The following PROCA1 variants were observed in gnomAD, a reference collection of about 807,000 sequenced individuals.
PROCA1 encodes protein interacting with cyclin A1, also known as protein PROCA1.
A neutral mutation model predicts 23.2 loss-of-function variants in PROCA1; 22 were observed. The observed-to-expected ratio is 0.95, with a 90% CI of 0.68 to 1.35. The LOEUF (loss-of-function observed/expected upper bound fraction) is 1.35, where lower values mean the gene tolerates loss of function less well. PROCA1 is among the 40% of genes most tolerant of loss of function. The probability of loss-of-function intolerance (pLI) is 0.00; values close to 1 mark genes in which losing one functional copy is unlikely to be tolerated. For missense variants in PROCA1, 469 were observed against 459.8 expected (o/e 1.02, Z -0.18); for synonymous variants, 182 against 179.2 (o/e 1.02, Z -0.12).
In PROCA1 at chr17:28,711,554, GC is replaced by G; in HGVS notation, c.91+15del. The G allele has an allele frequency of 6.2e-7, 1 of 1,601,876 alleles. No individual in the cohort carries two copies. On this transcript the variant is annotated intron_variant, in intron 1 of 4. Transcript: ENST00000682792. ...GGGCCGCGCCCTCTGCCCAGCCCCTGCCCCGCCCCTCTTACCGCGGCATCTG... is the reference window on the plus strand; with the variant it reads ...GGGCCGCGCCCTCTGCCCAGCCCCTGCCCGCCCCTCTTACCGCGGCATCTG...
chr17:28,710,225 G>A (rs1056312228), intron 1 of PROCA1, among the ~76,000 whole-genome samples: 15 of 151,938 alleles, frequency 9.9e-5, no homozygotes, highest in African/African-American at 3.4e-4. Flanking sequence ...ATGGCCAGGC[G>A]CGGTGGCTCA....
At chr17:28,709,915 TG>T (rs766336962) in intron 1 of PROCA1, among the ~76,000 whole-genome samples, 16 of 151,984 alleles carry the variant, frequency 1.1e-4, no homozygotes, top group Non-Finnish European at 2.2e-4. Flanking sequence ...GAGAATCGCT[TG>T]AACCCCAGAA....
At chr17:28,710,664 C>T (rs987934298) in intron 1 of PROCA1, among the ~76,000 whole-genome samples, 2 of 152,144 alleles carry the variant, frequency 1.3e-5, no homozygotes, top group African/African-American at 4.8e-5. Context: ...TAACTCTCTT[C>T]AGAGCTGAGA....
chr17:28,705,073 G>A (rs2032399402), intron 2 of PROCA1: 1 of 474,280 alleles, frequency 2.1e-6, no homozygotes, highest in Non-Finnish European at 3.8e-6. Context: ...CTGCAGTCCT[G>A]TGATTCCCTG....
chr17:28,709,761 C>A (rs941633864), intron 1 of PROCA1, among the ~76,000 whole-genome samples: 1 of 151,842 alleles, frequency 6.6e-6, no homozygotes, highest in African/African-American at 2.4e-5. Flanking sequence ...TTTTGAGAGG[C>A]CGAGGTGGGC....
At chr17:28,705,033 C>T (rs2151680666) in intron 2 of PROCA1, 190 bp from the exon 3 acceptor site, 1 of 591,112 alleles carries the variant, frequency 1.7e-6, no homozygotes, top group East Asian at 2.9e-5. Context: ...GGTTCCATGT[C>T]TGATACACAG....
intron 1 of PROCA1, among the ~76,000 whole-genome samples, chr17:28,709,603 A>G (rs2032685444): frequency 6.7e-6 from 1 of 148,364 alleles, no homozygotes; most frequent in South Asian, 2.4e-4. Context: ...CCGGCGAGGC[A>G]GAGGTTGCAG....
intron 1 of PROCA1, among the ~76,000 whole-genome samples, chr17:28,708,206 C>T (rs1260035987): frequency 6.6e-6 from 1 of 152,140 alleles, no homozygotes; most frequent in African/African-American, 2.4e-5. Flanking sequence ...GACGGGGTTT[C>T]ACCATGTTGG....
rs1567720365 is a variant in PROCA1 at position 28,711,596 on chromosome 17, C to CG, written c.64dup (p.Arg22ProfsTer5). 3 of 1,611,572 alleles carry CG rather than the reference C, an allele frequency of 1.9e-6. No individual in the cohort carries two copies. The highest frequency in any genetic ancestry group is 2.5e-6 in the Non-Finnish European group (3 of 1,179,342). On this transcript the variant is annotated frameshift_variant, in exon 1 of 5. Transcript: ENST00000682792. LOFTEE classifies it high-confidence loss of function. Reference sequence around the variant, plus strand: ...GCGGCATCTGCTCTCATCCCACGAGCGGGCCTTGGGCTCGGTCTTTTCCTT... The same window carrying CG: ...GCGGCATCTGCTCTCATCCCACGAGCGGGGCCTTGGGCTCGGTCTTTTCCTT...
At chr17:28,704,899 C>T in intron 2 of PROCA1, 56 bp from the exon 3 acceptor site, 2 of 1,563,676 alleles carry the variant, frequency 1.3e-6, no homozygotes, top group South Asian at 1.1e-5. Flanking sequence ...TGGGTCTTCC[C>T]ACAGCTCAAG....
intron 1 of PROCA1, chr17:28,710,923 C>T (rs1370609145): frequency 1.6e-6 from 2 of 1,280,852 alleles, no homozygotes; most frequent in South Asian, 1.3e-5. Context: ...CCGAGGAGCT[C>T]TCCTCGACCT....
intron 2 of PROCA1, chr17:28,705,174 C>T: frequency 3.8e-6 from 1 of 265,624 alleles, no homozygotes; most frequent in South Asian, 4.8e-5. Context: ...AGCCCTGCTC[C>T]ACAAGGCGCC....
At chr17:28,707,089 G>A (rs554782526) in intron 1 of PROCA1, 145 of 309,868 alleles carry the variant, frequency 4.7e-4, no homozygotes, top group African/African-American at 3.1e-3. Flanking sequence ...AGACTTCTTG[G>A]AAGGAGCATC....
intron 1 of PROCA1, among the ~76,000 whole-genome samples, chr17:28,709,922 C>T (rs577325178): frequency 6.6e-5 from 10 of 152,064 alleles, no homozygotes; most frequent in African/African-American, 2.4e-4. Context: ...GCTTGAACCC[C>T]AGAAGTGTAG....
At chr17:28,710,838 A>C (rs2032745242) in intron 1 of PROCA1, 1 of 1,304,272 alleles carries the variant, frequency 7.7e-7, no homozygotes, top group Non-Finnish European at 1.0e-6. Flanking sequence ...GTGAGGCGTT[A>C]ATCGGCGCAC....
rs1473903475 is a variant in PROCA1 at position 28,711,591 on chromosome 17, A to G, written c.70T>C (p.Trp24Arg). 2 of 1,609,382 alleles carry G rather than the reference A, an allele frequency of 1.2e-6. No individual in the cohort carries two copies. Among genetic ancestry groups the G allele is most frequent in the Non-Finnish European group, 1.7e-6 (2 of 1,178,614 alleles). ...TTACCGCGGCATCTGCTCTCATCCC[A>G]CGAGCGGGCCTTGGGCTCGGTCTTT... ...KEKTEPKARS[W>R]DESRCRDVNR... is the part of the protein sequence containing the mutation. The change falls in exon 1 of 5, where the codon TGG (tryptophan) becomes CGG (arginine). Residue 24 changes from tryptophan (W) to arginine (R), a missense_variant. Trp to Arg is a moderately radical substitution (Grantham distance 101, BLOSUM62 -3). Coordinates refer to ENST00000682792, the MANE Select transcript of PROCA1 (RefSeq NM_001366301.1).
intron 1 of PROCA1, among the ~76,000 whole-genome samples, chr17:28,709,167 C>T (rs939618280): frequency 1.3e-5 from 2 of 152,234 alleles, no homozygotes; most frequent in Non-Finnish European, 2.9e-5. Context: ...GCTCTTTCAG[C>T]CCTGTCTACT....
At chr17:28,704,272 G>C (rs2032319975) in intron 4 of PROCA1, 35 bp downstream of exon 4, 1 of 1,593,336 alleles carries the variant, frequency 6.3e-7, no homozygotes, top group South Asian at 1.1e-5. Flanking sequence ...CCCTGTAGAG[G>C]CCCCTTCCCC....
At position 28,703,768 on chromosome 17, in the gene PROCA1, G is replaced by A. The variant is rs1204683621; in HGVS notation, c.885C>T (p.Ser295=). ...CCAGCTCTTCCCGGCTTTCTGGGCT[G>A]GACTCGGACATCCTGGCCAGCTGTC... The part of the protein sequence containing the change: ...SARQLARMSE[S]SPESREELES... Residue 295 remains serine (S), a synonymous_variant, in exon 5 of 5, where the codon TCC becomes TCT. Transcript: ENST00000682792. 1 of 1,614,110 alleles carries A rather than the reference G, an allele frequency of 6.2e-7. No homozygotes were observed. The highest frequency in any genetic ancestry group is 1.7e-5 in the Admixed American group (1 of 60,020).
Sources: gnomAD v4.1 joint callset for allele counts (sites outside exome capture counted in the v4.1 genomes callset) on GRCh38, gnomAD v4.1.1 for gene constraint, MANE v1.5 for transcripts, NCBI Gene and HGNC (gene_info 2026-07-23, HGNC 2026-07-21) for gene names.